SCNN1B: variants seen among roughly 807,000 people sequenced by gnomAD.
SCNN1B encodes sodium channel epithelial 1 subunit beta, also known as epithelial sodium channel subunit beta.
SCNN1B carries 46 observed loss-of-function variants against 65.3 expected under a neutral mutation model. The ratio of observed to expected loss-of-function variants is 0.70; its 90% confidence interval spans 0.56 to 0.90. The LOEUF is 0.90. Ranked by LOEUF, SCNN1B falls within the 40% of genes least tolerant of loss-of-function variation. SCNN1B has a pLI of 0.00. For synonymous variants in SCNN1B, 349 were observed against 330.6 expected (o/e 1.06, Z -0.60); for missense variants, 751 against 830.5 (o/e 0.90, Z 1.18).
chr16:23,358,742 A>T (rs1355556360), intron 4 of SCNN1B, among the ~76,000 whole-genome samples: 1 of 152,116 alleles, frequency 6.6e-6, no homozygotes. Flanking sequence ...CCCCATCTCT[A>T]CTAAATATAC....
intron 10 of SCNN1B, among the ~76,000 whole-genome samples, chr16:23,378,223 TG>T (rs1962954271): frequency 6.6e-6 from 1 of 152,176 alleles, no homozygotes; most frequent in African/African-American, 2.4e-5. Flanking sequence ...TTGCCCAGGC[TG>T]GTCTTGAACT....
At chr16:23,300,192 G>T (rs1282018717), upstream of SCNN1B, among the ~76,000 whole-genome samples, 3 of 152,136 alleles carry the variant, frequency 2.0e-5, no homozygotes, top group Non-Finnish European at 2.9e-5. Context: ...AGCCTGTCAG[G>T]GGGTGGAGGG....
intron 8 of SCNN1B, among the ~76,000 whole-genome samples, chr16:23,376,345 C>CGTGT (rs10584896): frequency 6.0e-4 from 89 of 148,552 alleles, no homozygotes; most frequent in East Asian, 1.2e-3. Context: ...CTTTTGTGCA[C>CGTGT]GTGTGTGTGT....
chr16:23,330,053 C>T (rs755913800), intron 1 of SCNN1B, among the ~76,000 whole-genome samples: 12 of 151,662 alleles, frequency 7.9e-5, no homozygotes, highest in Middle Eastern at 3.4e-3. Context: ...AAAAAGAGAG[C>T]GAAAGAAAGA....
chr16:23,333,720 C>T (rs1476204913), intron 1 of SCNN1B, among the ~76,000 whole-genome samples: 5 of 152,116 alleles, frequency 3.3e-5, no homozygotes, highest in Non-Finnish European at 7.4e-5. Flanking sequence ...ACTTGTAATC[C>T]CAGCACTTTG....
At chr16:23,291,607 C>T (rs1193792141) in intron 2 of SCNN1B, among the ~76,000 whole-genome samples, 2 of 151,830 alleles carry the variant, frequency 1.3e-5, no homozygotes, top group African/African-American at 4.8e-5. Context: ...CAGGGTCTCG[C>T]TCTGTTGCCC....
chr16:23,353,194 G>A (rs1962348484), intron 3 of SCNN1B, 120 bp downstream of exon 3: 1 of 1,216,464 alleles, frequency 8.2e-7, no homozygotes, highest in Admixed American at 2.0e-5. Flanking sequence ...GCCAGAGCCT[G>A]TTTTGCTTGT....
At chr16:23,335,788 T>C (rs1354980721) in intron 1 of SCNN1B, among the ~76,000 whole-genome samples, 1 of 152,088 alleles carries the variant, frequency 6.6e-6, no homozygotes, top group East Asian at 1.9e-4. Context: ...GTGCTTCATA[T>C]GCTGTTCTAC....
rs530762665 is a variant in SCNN1B, at chr16:23,376,538, G to A, written c.1271-627G>A. Among the ~76,000 whole-genome samples, 194 of 152,230 alleles carry A rather than the reference G, an allele frequency of 1.3e-3. 2 individuals carry two copies. Among genetic ancestry groups the A allele is most frequent in the South Asian group, 8.1e-3 (39 of 4,824 alleles). ...GGACTCGAAACCTGGAGTCACAGCA[G>A]GAAGAAGAGCCCTGCTGGGCTCACA... On this transcript the variant is annotated intron_variant, in intron 8 of 12. Coordinates refer to ENST00000343070, the MANE Select transcript of SCNN1B (RefSeq NM_000336.3).
At chr16:23,335,824 A>G (rs964438998) in intron 1 of SCNN1B, among the ~76,000 whole-genome samples, 1 of 151,766 alleles carries the variant, frequency 6.6e-6, no homozygotes. Flanking sequence ...ACTTAACTGT[A>G]TATATTGACA....
intron 1 of SCNN1B, among the ~76,000 whole-genome samples, chr16:23,338,587 G>A (rs1343478946): frequency 2.0e-5 from 3 of 152,178 alleles, no homozygotes; most frequent in Admixed American, 1.3e-4. Flanking sequence ...GCAATTTACA[G>A]GAGTCACAAA....
intron 2 of SCNN1B, among the ~76,000 whole-genome samples, chr16:23,295,572 G>A (rs943994191): frequency 1.4e-5 from 2 of 147,948 alleles, no homozygotes; most frequent in Admixed American, 6.7e-5. Context: ...GACTGGTCTC[G>A]AACTCCTGGC....
At chr16:23,331,533 T>C (rs1961812338) in intron 1 of SCNN1B, among the ~76,000 whole-genome samples, 1 of 152,014 alleles carries the variant, frequency 6.6e-6, no homozygotes, top group South Asian at 2.1e-4. Context: ...TTGGCCAGGC[T>C]GGTCTCGAAC....
At chr16:23,336,371 A>ATT (rs745716509) in intron 1 of SCNN1B, among the ~76,000 whole-genome samples, 8,863 of 134,478 alleles carry the variant, frequency 0.066, 416 homozygotes, top group East Asian at 0.2. Context: ...AAGCAAGACG[A>ATT]TTTTTTTTTT....
At chr16:23,369,649 G>A (rs910383784) in intron 5 of SCNN1B, among the ~76,000 whole-genome samples, 19 of 151,820 alleles carry the variant, frequency 1.3e-4, no homozygotes, top group Non-Finnish European at 2.6e-4. Flanking sequence ...AGCGACCATC[G>A]GGGCCGCTGG....
At chr16:23,307,916 A>G (rs1195202539) in intron 1 of SCNN1B, among the ~76,000 whole-genome samples, 1 of 152,106 alleles carries the variant, frequency 6.6e-6, no homozygotes, top group Non-Finnish European at 1.5e-5. Flanking sequence ...GTAGTGGCAC[A>G]TGCCCGTAGT....
intron 1 of SCNN1B, among the ~76,000 whole-genome samples, chr16:23,311,785 A>C (rs1961348866): frequency 6.6e-6 from 1 of 152,096 alleles, no homozygotes; most frequent in South Asian, 2.1e-4. Context: ...AAGTTTAGAA[A>C]CATGTCTGAT....
intron 7 of SCNN1B, 60 bp downstream of exon 7, chr16:23,371,943 G>T (rs1324846294): frequency 8.3e-7 from 1 of 1,209,472 alleles, no homozygotes; most frequent in African/African-American, 1.5e-5. Context: ...TGGGGCCAAG[G>T]CCTCAGTACT....
At chr16:23,316,254 C>T (rs1307464895) in intron 1 of SCNN1B, among the ~76,000 whole-genome samples, 1 of 149,730 alleles carries the variant, frequency 6.7e-6, no homozygotes, top group African/African-American at 2.5e-5. Context: ...ACCATCATCA[C>T]AACCATTATC....
Sources: allele counts gnomAD v4.1 joint callset (sites outside exome capture counted in the v4.1 genomes callset), GRCh38; gene constraint gnomAD v4.1.1; transcripts MANE v1.5; gene names NCBI Gene and HGNC (gene_info 2026-07-23, HGNC 2026-07-21).